Variants in PITPNC1 observed in about 807,000 individuals in gnomAD.
The protein encoded by PITPNC1 is cytoplasmic phosphatidylinositol transfer protein 1.
Under a neutral mutation model 44.7 loss-of-function variants are expected in PITPNC1, and 18 were observed. The ratio of observed to expected loss-of-function variants is 0.40; its 90% CI spans 0.28 to 0.60. The LOEUF (loss-of-function observed/expected upper bound fraction) is 0.60, where lower values mean the gene tolerates loss of function less well. Ranked by LOEUF, PITPNC1 falls within the 20% of genes least tolerant of loss-of-function variation. The probability of loss-of-function intolerance (pLI) is 0.39; values close to 1 mark genes in which losing one functional copy is unlikely to be tolerated. For synonymous variants in PITPNC1, 141 were observed against 149.6 expected (o/e 0.94, Z 0.42); for missense variants, 290 against 418.4 (o/e 0.69, Z 2.68).
intron 1 of PITPNC1, among the ~76,000 whole-genome samples, chr17:67,386,266 A>G (rs1466540972): frequency 1.3e-5 from 2 of 152,330 alleles, no homozygotes; most frequent in African/African-American, 4.8e-5. Context: ...ATCGCGGCTC[A>G]CTGCAACCTC....
chr17:67,388,632 T>C (rs1403815532), intron 1 of PITPNC1, among the ~76,000 whole-genome samples: 1 of 151,962 alleles, frequency 6.6e-6, no homozygotes, highest in Non-Finnish European at 1.5e-5. Flanking sequence ...TTTTGTTTTT[T>C]ACTCTGAGAC....
intron 4 of PITPNC1, among the ~76,000 whole-genome samples, chr17:67,573,236 C>A (rs2011639): frequency 0.66 from 99,768 of 151,844 alleles, 33,299 homozygotes; most frequent in African/African-American, 0.77. Flanking sequence ...TTGGAATTTG[C>A]GATGTTGATT....
intron 4 of PITPNC1, among the ~76,000 whole-genome samples, chr17:67,565,187 C>T (rs1293194937): frequency 6.6e-6 from 1 of 150,642 alleles, no homozygotes; most frequent in East Asian, 2.0e-4. Flanking sequence ...ACTAGTTTTC[C>T]ATGTTTTTCA....
At chr17:67,634,296 T>C (rs2042005754) in intron 6 of PITPNC1, among the ~76,000 whole-genome samples, 1 of 152,144 alleles carries the variant, frequency 6.6e-6, no homozygotes, top group African/African-American at 2.4e-5. Context: ...GATGGGGATG[T>C]CTGGGCATGG....
chr17:67,431,722 G>A (rs992762864), intron 1 of PITPNC1, among the ~76,000 whole-genome samples: 4 of 152,054 alleles, frequency 2.6e-5, no homozygotes, highest in African/African-American at 2.4e-5. Context: ...GCTTATCTTC[G>A]AGTCATAAAC....
At chr17:67,615,128 GC>G (rs1271091461) in intron 5 of PITPNC1, among the ~76,000 whole-genome samples, 1 of 152,184 alleles carries the variant, frequency 6.6e-6, no homozygotes, top group Non-Finnish European at 1.5e-5. Context: ...GGGAGCAGGG[GC>G]CCGTGGAGCT....
At chr17:67,388,620 T>G (rs2038089787) in intron 1 of PITPNC1, among the ~76,000 whole-genome samples, 1 of 151,522 alleles carries the variant, frequency 6.6e-6, no homozygotes, top group Non-Finnish European at 1.5e-5. Context: ...GCACCCGGCC[T>G]CTTTTGTTTT....
chr17:67,626,384 T>C (rs2041895595), intron 5 of PITPNC1, among the ~76,000 whole-genome samples: 1 of 152,146 alleles, frequency 6.6e-6, no homozygotes, highest in South Asian at 2.1e-4. Context: ...TTTACTTATT[T>C]ATTTGAGACA....
At chr17:67,558,951 A>G (rs2706681) in intron 4 of PITPNC1, among the ~76,000 whole-genome samples, 1 of 152,214 alleles carries the variant, frequency 6.6e-6, no homozygotes, top group African/African-American at 2.4e-5. Flanking sequence ...AGAGTCTGTC[A>G]TCAGTCACCC....
At chr17:67,583,981 C>T (rs372883045) in intron 5 of PITPNC1, among the ~76,000 whole-genome samples, 2 of 151,558 alleles carry the variant, frequency 1.3e-5, no homozygotes, top group East Asian at 1.9e-4. Flanking sequence ...CCTCATGATC[C>T]GCCCGCCTCG....
At chr17:67,557,270 C>T (rs565674873) in intron 4 of PITPNC1, among the ~76,000 whole-genome samples, 5 of 152,142 alleles carry the variant, frequency 3.3e-5, no homozygotes, top group Non-Finnish European at 7.3e-5. Flanking sequence ...ACCCTCGTGA[C>T]CTCATCCCTA....
At chr17:67,474,419 G>A (rs1003443363) in intron 1 of PITPNC1, among the ~76,000 whole-genome samples, 1 of 152,100 alleles carries the variant, frequency 6.6e-6, no homozygotes, top group African/African-American at 2.4e-5. Context: ...CAGCCCTGCC[G>A]ACATTTGGAG....
intron 1 of PITPNC1, among the ~76,000 whole-genome samples, chr17:67,425,223 A>G (rs865836673): frequency 0.031 from 2,811 of 91,212 alleles, 168 homozygotes; most frequent in Middle Eastern, 0.036. Flanking sequence ...ACACACACAC[A>G]CACACACACA....
chr17:67,585,053 T>C (rs1474956785), intron 5 of PITPNC1, among the ~76,000 whole-genome samples: 1 of 149,632 alleles, frequency 6.7e-6, no homozygotes, highest in East Asian at 2.0e-4. Flanking sequence ...GAGGCAGAGA[T>C]TGCAGTGAGC....
At chr17:67,461,171 T>C (rs1213348300) in intron 1 of PITPNC1, among the ~76,000 whole-genome samples, 1 of 152,228 alleles carries the variant, frequency 6.6e-6, no homozygotes, top group East Asian at 1.9e-4. Flanking sequence ...CTGCTTCTTC[T>C]CTGCTACCAT....
chr17:67,408,397 G>A (rs893568906), intron 1 of PITPNC1, among the ~76,000 whole-genome samples: 1 of 148,964 alleles, frequency 6.7e-6, no homozygotes, highest in Admixed American at 6.8e-5. Flanking sequence ...AGGTGTGGTG[G>A]TGCATGCCTG....
intron 1 of PITPNC1, among the ~76,000 whole-genome samples, chr17:67,490,172 G>A (rs931271500): frequency 4.1e-5 from 6 of 146,120 alleles, no homozygotes; most frequent in East Asian, 2.0e-4. Context: ...TTTAATTAAC[G>A]AGGATGCATT....
At chr17:67,667,307 T>A (rs904173776) in intron 6 of PITPNC1, among the ~76,000 whole-genome samples, 16 of 151,944 alleles carry the variant, frequency 1.1e-4, no homozygotes, top group African/African-American at 3.9e-4. Flanking sequence ...GGTGGGCAGA[T>A]CACTTAAGCC....
chr17:67,593,024 A>G (rs2041412656), intron 5 of PITPNC1, among the ~76,000 whole-genome samples: 1 of 152,200 alleles, frequency 6.6e-6, no homozygotes, highest in African/African-American at 2.4e-5. Context: ...GGCAACAGAG[A>G]AAGACCCTGT....
Sources: allele counts gnomAD v4.1 joint callset (sites outside exome capture counted in the v4.1 genomes callset), GRCh38; gene constraint gnomAD v4.1.1; transcripts MANE v1.5; gene names NCBI Gene and HGNC (gene_info 2026-07-23, HGNC 2026-07-21).